KAT6A: variants seen among roughly 807,000 people sequenced by gnomAD.
The protein encoded by KAT6A is lysine acetyltransferase 6A, also known as histone acetyltransferase KAT6A.
A neutral mutation model predicts 198.4 loss-of-function variants in KAT6A; 9 were observed. The observed-to-expected ratio is 0.05, with a 90% CI of 0.03 to 0.08. KAT6A has a LOEUF of 0.08. Ranked by LOEUF, KAT6A falls within the 10% of genes least tolerant of loss-of-function variation. KAT6A has a pLI of 1.00. For synonymous variants in KAT6A, 890 were observed against 883.0 expected (o/e 1.01, Z -0.14); for missense variants, 2,077 against 2,509.9 (o/e 0.83, Z 3.69).
rs149170100 is a variant in KAT6A, at chr8:42,005,276, C to A, written c.601-17713G>T. 5.3e-5 allele frequency among the ~76,000 whole-genome samples: 8 copies of A among 152,276 alleles called. No homozygotes were observed. The East Asian group carries it at 1.5e-3, about 29-fold the overall frequency. On this transcript the variant is annotated intron_variant, in intron 2 of 16. Transcript: ENST00000265713. ...TTGCCCAGAAACACACAAAAGCATA[C>A]TCTAAGTTAATATTGCATCAAATTA...
Position 42,048,643 on chromosome 8 carries a change from T to C in KAT6A, c.335A>G (p.Glu112Gly). The C allele has an allele frequency of 6.2e-7, 1 of 1,614,212 alleles. No homozygotes were observed. Among genetic ancestry groups the C allele is most frequent in the Non-Finnish European group, 8.5e-7 (1 of 1,180,036 alleles). Residue 112 changes from glutamate (E) to glycine (G), a missense_variant, in exon 2 of 17, where the codon GAG becomes GGG. By Grantham distance (98) the Glu-to-Gly change is moderately conservative. Around this residue, in one of 13 missense-constraint regions of KAT6A, gnomAD observed 185 missense variants for 185.7 expected, o/e 1.00. Coordinates refer to ENST00000265713, the MANE Select transcript of KAT6A (RefSeq NM_006766.5). Reference sequence around the variant, plus strand: ...GCTTTTCAAAGTTGAGCCACCAGACTCTGCCAAGCCCTCAACTGCCCGCTT... The same window carrying C: ...GCTTTTCAAAGTTGAGCCACCAGACCCTGCCAAGCCCTCAACTGCCCGCTT... ...LIKRAVEGLA[E>G]SGGSTLKSIE...
At chr8:41,988,827 T>A (rs968001943) in intron 2 of KAT6A, among the ~76,000 whole-genome samples, 2 of 152,206 alleles carry the variant, frequency 1.3e-5, no homozygotes, top group Non-Finnish European at 2.9e-5. Flanking sequence ...ATGTGTTTAG[T>A]TGGAGGTACC....
At position 41,977,240 on chromosome 8, in the gene KAT6A, T is replaced by C. The variant is rs1824102431; in HGVS notation, c.1131A>G (p.Ser377=). The C allele has an allele frequency of 3.1e-6, 5 of 1,614,098 alleles. No homozygotes were observed. The South Asian group carries it at 3.3e-5, about 11-fold the overall frequency. Residue 377 remains serine, a synonymous_variant, in exon 7 of 17, where the codon TCA becomes TCG. Transcript: ENST00000265713. ...GCTCTAAATATCCTTCTTCTGATGATGATGATGCTGATTGGCTGGAAAGAG... is the reference window on the plus strand; with the variant it reads ...GCTCTAAATATCCTTCTTCTGATGACGATGATGCTGATTGGCTGGAAAGAG... ...KITLSSQSAS[S]SSEEGYLERI...
intron 11 of KAT6A, 34 bp downstream of exon 11, chr8:41,947,717 T>A (rs761427634): frequency 1.3e-6 from 2 of 1,547,798 alleles, no homozygotes; most frequent in Non-Finnish European, 1.7e-6. Flanking sequence ...GATTTCTATA[T>A]GAGTTCAAAC....
At chr8:41,977,996 G>A (rs988862731) in intron 6 of KAT6A, among the ~76,000 whole-genome samples, 6 of 152,144 alleles carry the variant, frequency 3.9e-5, no homozygotes, top group Non-Finnish European at 7.4e-5. Flanking sequence ...TATCATCAAA[G>A]GTGAGTTACT....
chr8:42,043,881 A>G (rs1037174035), intron 2 of KAT6A, among the ~76,000 whole-genome samples: 12 of 152,218 alleles, frequency 7.9e-5, no homozygotes, highest in African/African-American at 2.9e-4. Flanking sequence ...CACCTGTAAA[A>G]TAACAGTAGC....
intron 12 of KAT6A, among the ~76,000 whole-genome samples, chr8:41,945,707 T>A (rs978986626): frequency 2.0e-5 from 3 of 152,122 alleles, no homozygotes; most frequent in African/African-American, 4.8e-5. Flanking sequence ...CACACAAAAT[T>A]TTATTCAATA....
Position 41,931,410 on chromosome 8 carries a change from GTTAA to G in KAT6A, c.*791_*794del, listed in dbSNP as rs1416803529. On this transcript the variant is annotated 3_prime_UTR_variant, in exon 17 of 17. Coordinates refer to ENST00000265713, the MANE Select transcript of KAT6A (RefSeq NM_006766.5). ...AACAGCTTTTCTCTGAGATTCTGCT[GTTAA>G]TTGAGACTTACAGTATTTTTGTGTC... The G allele has an allele frequency of 1.4e-5, 3 of 209,492 alleles. No individual in the cohort carries two copies. Among genetic ancestry groups the G allele is most frequent in the South Asian group, 1.9e-4 (1 of 5,318 alleles). 13.0% of individuals were successfully genotyped at this position (209,492 alleles called of 1,614,324 possible).
intron 10 of KAT6A, 72 bp downstream of exon 10, chr8:41,949,150 C>T (rs1822544087): frequency 6.1e-6 from 6 of 990,188 alleles, no homozygotes; most frequent in Non-Finnish European, 7.0e-6. Flanking sequence ...TAGAAAGTTG[C>T]ACAATAGATG....
chr8:42,008,099 C>G (rs1409352876), intron 2 of KAT6A, among the ~76,000 whole-genome samples: 2 of 151,298 alleles, frequency 1.3e-5, no homozygotes, highest in Non-Finnish European at 2.9e-5. Context: ...AAGGCTTTAA[C>G]TACATAAAAC....
chr8:42,032,225 A>C (rs1827167443), intron 2 of KAT6A, among the ~76,000 whole-genome samples: 1 of 152,170 alleles, frequency 6.6e-6, no homozygotes, highest in Admixed American at 6.5e-5. Context: ...AGGAGTACTA[A>C]GATTGAACAG....
chr8:41,940,917 G>A lies in KAT6A; in HGVS notation c.2964C>T (p.Ser988=), dbSNP rs759605400. The change falls in exon 15 of 17, where the codon AGC becomes AGT. Residue 988 remains serine, a synonymous_variant. Transcript: ENST00000265713. ...GGCTTTCCGGCTCCTCCTCCTCCTC[G>A]CTGCTCTCACTGAAGCCCCTGAGGA... is the stretch of plus-strand genomic sequence containing the variant. ...RAVLRGFSES[S]EEEEEPESPR... 28 of 1,614,000 alleles carry A rather than the reference G, an allele frequency of 1.7e-5. No individual in the cohort carries two copies. Among genetic ancestry groups the A allele is most frequent in the African/African-American group, 4.0e-5 (3 of 74,912 alleles).
intron 2 of KAT6A, among the ~76,000 whole-genome samples, chr8:42,017,920 C>A (rs923611121): frequency 1.3e-5 from 2 of 152,154 alleles, no homozygotes; most frequent in African/African-American, 4.8e-5. Flanking sequence ...AAGTACCTAT[C>A]ATGTGTCACC....
chr8:41,989,515 AATAAC>A (rs894752863), intron 2 of KAT6A, among the ~76,000 whole-genome samples: 1 of 148,492 alleles, frequency 6.7e-6, no homozygotes, highest in Non-Finnish European at 1.5e-5. Flanking sequence ...ATCTCGGAAA[AATAAC>A]ATAACGTAAC....
chr8:42,037,297 G>A (rs1310098831), intron 2 of KAT6A, among the ~76,000 whole-genome samples: 1 of 152,126 alleles, frequency 6.6e-6, no homozygotes, highest in African/African-American at 2.4e-5. Flanking sequence ...AGTAAGGCAG[G>A]AAAATGGTGA....
At chr8:42,021,637 G>A (rs1207595747) in intron 2 of KAT6A, among the ~76,000 whole-genome samples, 1 of 152,086 alleles carries the variant, frequency 6.6e-6, no homozygotes, top group Non-Finnish European at 1.5e-5. Flanking sequence ...AAAAAACTCA[G>A]GGAGTACTTT....
chr8:42,049,052 C>T lies in KAT6A; in HGVS notation c.-75G>A. 1.4e-6 allele frequency: 2 copies of T among 1,467,318 alleles called. No individual in the cohort carries two copies. Among genetic ancestry groups the T allele is most frequent in the East Asian group, 2.3e-5 (1 of 43,976 alleles). 90.9% of individuals were successfully genotyped at this position (1,467,318 alleles called of 1,614,324 possible). ...TGAGTAAGTTTTACACCATGGAAAA[C>T]AAGATTCTCGGAGGCTGGGAACCAG... On this transcript the variant is annotated 5_prime_UTR_variant, in exon 2 of 17. Transcript: ENST00000265713.
intron 9 of KAT6A, among the ~76,000 whole-genome samples, chr8:41,954,257 A>G (rs1304874996): frequency 1.3e-5 from 2 of 152,250 alleles, no homozygotes; most frequent in African/African-American, 4.8e-5. Flanking sequence ...CCCTTTTAAC[A>G]ACTATACTGG....
In KAT6A at chr8:41,940,997, A is replaced by C. The variant is rs1489215605; in HGVS notation, c.2884T>G (p.Leu962Val). ...GGCAGCCTCTCACTTCCTTCTGTTAATCTGCACTTCAGAGCCTCAGGGCTT... is the reference window on the plus strand; with the variant it reads ...GGCAGCCTCTCACTTCCTTCTGTTACTCTGCACTTCAGAGCCTCAGGGCTT... ...KKSPEALKCR[L>V]TEGSERLPRR... The change falls in exon 15 of 17, where the codon TTA (leucine) becomes GTA (valine). Residue 962 changes from leucine (L) to valine (V), a missense_variant. Coordinates refer to ENST00000265713, the MANE Select transcript of KAT6A (RefSeq NM_006766.5). 6.2e-7 allele frequency: 1 copy of C among 1,614,070 alleles called. No homozygotes were observed. The highest frequency in any genetic ancestry group is 1.1e-5 in the South Asian group (1 of 91,070).
Sources: gnomAD v4.1 joint callset for allele counts (sites outside exome capture counted in the v4.1 genomes callset) on GRCh38, gnomAD v4.1.1 for gene constraint, gnomAD v4.1.1 regional missense constraint, MANE v1.5 for transcripts, NCBI Gene and HGNC (gene_info 2026-07-23, HGNC 2026-07-21) for gene names.